The following GEMIN5 variants were observed in gnomAD, a reference collection of about 807,000 sequenced individuals.
GEMIN5 encodes the protein gem nuclear organelle associated protein 5.
Under a neutral mutation model 176.9 loss-of-function variants are expected in GEMIN5, and 124 were observed. The ratio of observed to expected loss-of-function variants is 0.70; its 90% CI spans 0.61 to 0.81. The LOEUF is 0.81. GEMIN5 is among the 40% of genes least tolerant of loss of function. The pLI, the probability that GEMIN5 is intolerant of heterozygous loss-of-function variation, is 0.00. For synonymous variants in GEMIN5, 673 were observed against 665.2 expected (o/e 1.01, Z -0.18); for missense variants, 1,843 against 1,814.6 (o/e 1.02, Z -0.28).
intron 9 of GEMIN5, among the ~76,000 whole-genome samples, chr5:154,922,518 C>G (rs1763945065): frequency 1.3e-5 from 2 of 152,172 alleles, no homozygotes; most frequent in Admixed American, 1.3e-4. Context: ...AACAATAGCT[C>G]TAGGGCAATA....
intron 7 of GEMIN5, 91 bp downstream of exon 7, chr5:154,927,294 C>G (rs564154292): frequency 2.7e-6 from 2 of 739,102 alleles, no homozygotes; most frequent in Non-Finnish European, 4.7e-6. Context: ...TGGAGTATTA[C>G]GACTTGACAG....
chr5:154,925,616 C>T (rs958253754), intron 8 of GEMIN5, among the ~76,000 whole-genome samples: 1 of 152,098 alleles, frequency 6.6e-6, no homozygotes, highest in Non-Finnish European at 1.5e-5. Context: ...TATGAATATA[C>T]AGTCAGGCTA....
chr5:154,901,578 G>T, intron 20 of GEMIN5, 92 bp from the exon 21 acceptor site: 2 of 1,094,514 alleles, frequency 1.8e-6, no homozygotes, highest in Non-Finnish European at 2.7e-6. Flanking sequence ...CCTTGTTTTC[G>T]TCAATGCATT....
intron 19 of GEMIN5, 45 bp from the exon 20 acceptor site, chr5:154,902,721 C>T (rs980499998): frequency 2.0e-5 from 32 of 1,584,772 alleles, no homozygotes; most frequent in Non-Finnish European, 2.7e-5. Context: ...TCAGAAACAT[C>T]TGTTACTGAC....
intron 14 of GEMIN5, among the ~76,000 whole-genome samples, chr5:154,912,167 C>A (rs1359541833): frequency 6.6e-6 from 1 of 152,154 alleles, no homozygotes. Context: ...TTCACTGTCT[C>A]GAACCAATAC....
rs918424409 is a variant in GEMIN5 at position 154,887,470 on chromosome 5, A to G, written c.*740T>C. 1 of 152,246 alleles carries G rather than the reference A, an allele frequency of 6.6e-6. No homozygotes were observed. The highest frequency in any genetic ancestry group is 2.4e-5 in the African/African-American group (1 of 41,468). The allele number at this position is 152,246 out of a possible 1,614,324, so 9.4% of individuals were successfully genotyped here. A position where few individuals can be genotyped will look rare whatever the true frequency, so the allele number is the denominator to read the frequency against. On this transcript the variant is annotated 3_prime_UTR_variant, in exon 28 of 28. Coordinates refer to ENST00000285873, the MANE Select transcript of GEMIN5 (RefSeq NM_015465.5). ...ATTCTCAAAAGGATCCTATGATCCA[A>G]GAAAGTTTAAGAACCATTGAAACAG...
chr5:154,899,299 G>A lies in GEMIN5; in HGVS notation c.3026C>T (p.Ala1009Val), dbSNP rs371819928. Reference sequence around the variant, plus strand: ...CGGGCGCAGCCGGGCCTTGGCAATCGCAATAGCTTCCCTAAAGGCAAGAAC... The same window carrying A: ...CGGGCGCAGCCGGGCCTTGGCAATCACAATAGCTTCCCTAAAGGCAAGAAC... ...KSNHFYREAIAIAKARLRPED... is the reference protein window; with the variant it reads ...KSNHFYREAIVIAKARLRPED... The change falls in exon 22 of 28, where the codon GCG becomes GTG. Residue 1009 changes from alanine (A) to valine (V), a missense_variant. Transcript: ENST00000285873. 18 of 1,610,146 alleles carry A rather than the reference G, an allele frequency of 1.1e-5. No individual in the cohort carries two copies. The highest frequency in any genetic ancestry group is 5.0e-5 in the Admixed American group (3 of 59,562).
At chr5:154,934,645 C>T (rs1035896357) in intron 3 of GEMIN5, among the ~76,000 whole-genome samples, 1 of 152,086 alleles carries the variant, frequency 6.6e-6, no homozygotes. Context: ...CCGTACGCCC[C>T]GTCTCCTTCT....
chr5:154,936,119 T>A, intron 2 of GEMIN5, 97 bp from the exon 3 acceptor site: 1 of 759,856 alleles, frequency 1.3e-6, no homozygotes, highest in Non-Finnish European at 2.1e-6. Context: ...ATATACACAT[T>A]AAAAGTAATT....
In GEMIN5 at chr5:154,891,276, TTC is replaced by T; in HGVS notation, c.4225_4226del (p.Glu1409SerfsTer13). On this transcript the variant is annotated frameshift_variant, in exon 26 of 28. Transcript: ENST00000285873. LOFTEE classifies it high-confidence loss of function. Reference protein sequence around the residue: ...NGPDKNEPEVEAEQPLCSSQS... With the variant: ...NGPDKNEPEVXAEQPLCSSQS... The stretch of plus-strand genomic sequence containing the variant: ...GAGAACTGCAGAGGGGCTGCTCTGC[TTC>T]TACTTCCGGTTCATTCTTATCAGGA... 1 of 1,613,950 alleles carries T rather than the reference TTC, an allele frequency of 6.2e-7. No homozygotes were observed. Among genetic ancestry groups the T allele is most frequent in the Non-Finnish European group, 8.5e-7 (1 of 1,179,888 alleles).
intron 11 of GEMIN5, among the ~76,000 whole-genome samples, 182 bp from the exon 12 acceptor site, chr5:154,918,186 T>C (rs780277580): frequency 6.6e-6 from 1 of 152,190 alleles, no homozygotes; most frequent in Admixed American, 6.5e-5. Context: ...TCTCATTTCC[T>C]AACTGGGCCA....
Position 154,899,274 on chromosome 5 carries a change from C to T in GEMIN5, c.3051G>A (p.Pro1017=), listed in dbSNP as rs116579476. 5.5e-4 allele frequency: 889 copies of T among 1,612,026 alleles called. 8 individuals carry two copies. In the African/African-American group the frequency reaches 8.9e-3, roughly 16 times the overall value. Residue 1017 remains proline (P), a synonymous_variant, in exon 22 of 28, where the codon CCG becomes CCA. Transcript: ENST00000285873. ...AIAIAKARLR[P]EDPVLKDLYL... Reference sequence around the variant, plus strand: ...ACAAGTCCTTCAGGACTGGGTCCTCCGGGCGCAGCCGGGCCTTGGCAATCG... The same window carrying T: ...ACAAGTCCTTCAGGACTGGGTCCTCTGGGCGCAGCCGGGCCTTGGCAATCG...
chr5:154,916,728 C>T (rs1057108859), intron 13 of GEMIN5, among the ~76,000 whole-genome samples: 4 of 152,096 alleles, frequency 2.6e-5, no homozygotes, highest in Non-Finnish European at 5.9e-5. Flanking sequence ...ATCCTGGCCA[C>T]AAATAATCTT....
At chr5:154,919,455 A>G (rs1763877061) in intron 11 of GEMIN5, among the ~76,000 whole-genome samples, 1 of 152,214 alleles carries the variant, frequency 6.6e-6, no homozygotes, top group South Asian at 2.1e-4. Context: ...GAATCTGGGT[A>G]AAGGATATAA....
At chr5:154,925,401 T>A in intron 8 of GEMIN5, among the ~76,000 whole-genome samples, 1 of 152,272 alleles carries the variant, frequency 6.6e-6, no homozygotes, top group East Asian at 1.9e-4. Flanking sequence ...TTAGATTCAA[T>A]AGCCAAAAGA....
intron 15 of GEMIN5, among the ~76,000 whole-genome samples, chr5:154,911,085 T>C (rs750109960): frequency 2.0e-5 from 3 of 152,216 alleles, no homozygotes; most frequent in Non-Finnish European, 4.4e-5. Flanking sequence ...ACATGTCTCC[T>C]GAATTCTTTG....
At position 154,902,559 on chromosome 5, in the gene GEMIN5, AG is replaced by A; in HGVS notation, c.2845del (p.Val950TrpfsTer73). The A allele has an allele frequency of 6.2e-7, 1 of 1,614,132 alleles. No homozygotes were observed. The highest frequency in any genetic ancestry group is 8.5e-7 in the Non-Finnish European group (1 of 1,179,958). ...AAERGELTDNLVAMAPAAGYH... is the reference protein window; with the variant it reads ...AAERGELTDNXVAMAPAAGYH... ...CATACCTGCTGGTGCCATAGCCACAAGGTTGTCTGTCAGCTCCCCTCTTTCT... is the reference window on the plus strand; with the variant it reads ...CATACCTGCTGGTGCCATAGCCACAAGTTGTCTGTCAGCTCCCCTCTTTCT... On this transcript the variant is annotated frameshift_variant, in exon 20 of 28. Transcript: ENST00000285873. LOFTEE classifies it high-confidence loss of function.
At chr5:154,909,735 T>C (rs190629280) in intron 15 of GEMIN5, among the ~76,000 whole-genome samples, 2 of 152,248 alleles carry the variant, frequency 1.3e-5, no homozygotes, top group East Asian at 3.9e-4. Context: ...TCCCAGCACT[T>C]TGGGAGGCTG....
At chr5:154,925,315 G>T (rs1204284109) in intron 8 of GEMIN5, among the ~76,000 whole-genome samples, 1 of 151,890 alleles carries the variant, frequency 6.6e-6, no homozygotes, top group Non-Finnish European at 1.5e-5. Context: ...TGGAGGGTAG[G>T]GTAGGAAAAA....
Sources: gnomAD v4.1 joint callset for allele counts (sites outside exome capture counted in the v4.1 genomes callset) on GRCh38, gnomAD v4.1.1 for gene constraint, MANE v1.5 for transcripts, NCBI Gene and HGNC (gene_info 2026-07-23, HGNC 2026-07-21) for gene names.